Variants in SEC22B observed in about 807,000 individuals in gnomAD.
The protein encoded by SEC22B is vesicle-trafficking protein SEC22b.
A neutral mutation model predicts 31.4 loss-of-function variants in SEC22B; 10 were observed. That is an observed-to-expected ratio of 0.32 (90% CI 0.20 to 0.54). The LOEUF is 0.54. Among genes scored for constraint, SEC22B ranks in the 20% least tolerant of loss-of-function variants. The probability of loss-of-function intolerance (pLI) is 0.94; values close to 1 mark genes in which losing one functional copy is unlikely to be tolerated. For missense variants in SEC22B, 130 were observed against 263.4 expected (o/e 0.49, Z 3.50); for synonymous variants, 60 against 95.9 (o/e 0.63, Z 2.19).
chr1:120,160,446 T>C lies in SEC22B; in HGVS notation c.431A>G (p.Asp144Gly). The change falls in exon 4 of 5, where the codon GAT becomes GGT. Residue 144 changes from aspartate to glycine, a missense_variant. This residue lies in a region of SEC22B where 53 missense variants were observed against 63.3 expected (regional missense o/e 0.84). Transcript: ENST00000578049. ...NLGSINTELQ[D>G]VQRIMVANIE... ...ATTGGCCACCATGATCCTCTGCACA[T>C]CTTGCAATTCAGTGTTGATGGAGCC... is the stretch of plus-strand genomic sequence containing the variant. The C allele has an allele frequency of 6.2e-7, 1 of 1,612,802 alleles. No homozygotes were observed. The highest frequency in any genetic ancestry group is 8.5e-7 in the Non-Finnish European group (1 of 1,179,170).
At chr1:120,176,229 C>T in intron 1 of SEC22B, 78 bp downstream of exon 1, 4 of 1,407,488 alleles carry the variant, frequency 2.8e-6, no homozygotes, top group Non-Finnish European at 3.9e-6. Flanking sequence ...GTCTCCCGGT[C>T]CTAGGAAGGA....
chr1:120,162,734 C>T (rs1470050626), intron 3 of SEC22B, among the ~76,000 whole-genome samples: 6 of 152,188 alleles, frequency 3.9e-5, no homozygotes, highest in Non-Finnish European at 8.8e-5. Flanking sequence ...CAGGTATCTT[C>T]TATTTCTTTG....
At chr1:120,164,611 T>G (rs1320272666) in intron 2 of SEC22B, among the ~76,000 whole-genome samples, 1 of 152,278 alleles carries the variant, frequency 6.6e-6, no homozygotes, top group Non-Finnish European at 1.5e-5. Context: ...CATTTCTTTT[T>G]ATGACTGCAT....
chr1:120,166,969 G>A (rs1276897835), intron 2 of SEC22B, among the ~76,000 whole-genome samples: 1 of 128,926 alleles, frequency 7.8e-6, no homozygotes, highest in Non-Finnish European at 1.6e-5. Flanking sequence ...GGAGTTTAGG[G>A]GCCCAAAGCA....
At chr1:120,176,198 A>G in intron 1 of SEC22B, 109 bp downstream of exon 1, 1 of 941,588 alleles carries the variant, frequency 1.1e-6, no homozygotes, top group Admixed American at 2.0e-5. Context: ...AGAGGTCGGG[A>G]GTGCCCGGGA....
chr1:120,166,458 G>A (rs1657812915), intron 2 of SEC22B, among the ~76,000 whole-genome samples: 1 of 148,854 alleles, frequency 6.7e-6, no homozygotes, highest in African/African-American at 2.5e-5. Context: ...CCATAAAAAA[G>A]AATGAATTTC....
chr1:120,163,847 G>C (rs1657759451), intron 2 of SEC22B, among the ~76,000 whole-genome samples: 1 of 151,078 alleles, frequency 6.6e-6, no homozygotes, highest in African/African-American at 2.4e-5. Flanking sequence ...CAAAGTGCTG[G>C]GATTACAGGC....
chr1:120,159,974 T>C (rs1348925364), intron 4 of SEC22B, among the ~76,000 whole-genome samples: 1 of 109,558 alleles, frequency 9.1e-6, no homozygotes, highest in Non-Finnish European at 1.7e-5. Context: ...ATTTAAAAGT[T>C]TTTCAGAGGA....
intron 2 of SEC22B, 23 bp downstream of exon 2, chr1:120,168,817 A>G (rs1657850834): frequency 2.3e-6 from 2 of 887,630 alleles, no homozygotes; most frequent in East Asian, 3.4e-5. Flanking sequence ...AAATGATCAT[A>G]AAGAAATCAA....
chr1:120,163,157 T>C (rs1657746814), intron 3 of SEC22B, 53 bp downstream of exon 3: 1 of 569,448 alleles, frequency 1.8e-6, no homozygotes, highest in African/African-American at 2.0e-5. Flanking sequence ...AACAAATAGC[T>C]TCTCCATATT....
At chr1:120,160,579 C>T (rs1657699111) in intron 3 of SEC22B, 49 bp from the exon 4 acceptor site, 26 of 1,499,756 alleles carry the variant, frequency 1.7e-5, no homozygotes, top group Admixed American at 2.2e-5. Context: ...CATCAAAGTA[C>T]TGAGGTAGGA....
At chr1:120,176,284 C>A in intron 1 of SEC22B, 23 bp downstream of exon 1, 1 of 1,603,346 alleles carries the variant, frequency 6.2e-7, no homozygotes. Flanking sequence ...CTTGGGGTCG[C>A]GGGTCGTGAG....
rs1553228746 is a variant in SEC22B at position 120,151,747 on chromosome 1, G to A, written c.*5291C>T. On this transcript the variant is annotated 3_prime_UTR_variant, in exon 5 of 5. Transcript: ENST00000578049. Reference sequence around the variant, plus strand: ...ACATGTGTAACAAAATCAGTAAGGAGGGTACTCCAAGAATCCATGTTAAAG... The same window carrying A: ...ACATGTGTAACAAAATCAGTAAGGAAGGTACTCCAAGAATCCATGTTAAAG... The A allele has an allele frequency of 6.6e-6, 1 of 151,744 alleles. No individual in the cohort carries two copies. Among genetic ancestry groups the A allele is most frequent in the Non-Finnish European group, 1.5e-5 (1 of 68,000 alleles). 9.4% of individuals were successfully genotyped at this position (151,744 alleles called of 1,614,324 possible).
intron 2 of SEC22B, among the ~76,000 whole-genome samples, chr1:120,163,571 C>CTT (rs1213284888): frequency 9.7e-6 from 1 of 102,602 alleles, no homozygotes; most frequent in African/African-American, 8.1e-5. Context: ...GATGTATATT[C>CTT]TTTTTTTTTT....
rs74119774 is a variant in SEC22B at position 120,176,168 on chromosome 1, A to C, written c.75+139T>G. The C allele has an allele frequency of 6.4e-3, 4,493 of 703,674 alleles. 142 individuals are homozygous for C. In the African/African-American group the frequency reaches 0.071, roughly 11 times the overall value. The allele number at this position is 703,674 out of a possible 1,614,324, so 43.6% of individuals were successfully genotyped here. A position where few individuals can be genotyped will look rare whatever the true frequency, so the allele number is the denominator to read the frequency against. The stretch of plus-strand genomic sequence containing the variant: ...TCGCCGGTAGTCTCTCCTACACCAA[A>C]AGATAAAAGCGCACTTCAGAGAGGT... On this transcript the variant is annotated intron_variant, in intron 1 of 4. Transcript: ENST00000578049.
chr1:120,176,255 C>G (rs1657961210), intron 1 of SEC22B, 52 bp downstream of exon 1: 1 of 1,560,816 alleles, frequency 6.4e-7, no homozygotes, highest in African/African-American at 1.3e-5. Context: ...ATGCTGAGGG[C>G]AAAGCGCGCT....
intron 3 of SEC22B, among the ~76,000 whole-genome samples, 155 bp from the exon 4 acceptor site, chr1:120,160,685 C>T (rs1263858789): frequency 3.8e-4 from 58 of 152,134 alleles, no homozygotes; most frequent in African/African-American, 1.2e-3. Flanking sequence ...GTCAGGAAAT[C>T]GAGACCATCC....
intron 1 of SEC22B, among the ~76,000 whole-genome samples, chr1:120,175,708 G>T (rs1156908723): frequency 6.6e-6 from 1 of 152,082 alleles, no homozygotes; most frequent in Admixed American, 6.6e-5. Flanking sequence ...TCGTTTGCCC[G>T]CTAGGAAACT....
chr1:120,156,973 G>C lies in SEC22B; in HGVS notation c.*65C>G. ...TCTAATACACATCTCTGTGAGCTCA[G>C]TTTCCTGAAAATATACACCTACTGG... On this transcript the variant is annotated 3_prime_UTR_variant, in exon 5 of 5. Coordinates refer to ENST00000578049, the MANE Select transcript of SEC22B (RefSeq NM_004892.6). 2 of 588,148 alleles carry C rather than the reference G, an allele frequency of 3.4e-6. No individual in the cohort carries two copies. The highest frequency in any genetic ancestry group is 5.4e-6 in the Non-Finnish European group (2 of 368,146). 36.4% of individuals were successfully genotyped at this position (588,148 alleles called of 1,614,324 possible).
Sources: gnomAD v4.1 joint callset for allele counts (sites outside exome capture counted in the v4.1 genomes callset) on GRCh38, gnomAD v4.1.1 for gene constraint, gnomAD v4.1.1 regional missense constraint, MANE v1.5 for transcripts, NCBI Gene and HGNC (gene_info 2026-07-23, HGNC 2026-07-21) for gene names.